The following KIAA2012 variants were observed in gnomAD, a reference collection of about 807,000 sequenced individuals.
KIAA2012 encodes the protein KIAA2012.
KIAA2012 carries 125 observed loss-of-function variants against 150.6 expected under a neutral mutation model. The observed-to-expected ratio is 0.83, with a 90% confidence interval of 0.72 to 0.96. The LOEUF (loss-of-function observed/expected upper bound fraction) is 0.96, where lower values mean the gene tolerates loss of function less well. KIAA2012 is among the 40% of genes least tolerant of loss of function. The pLI is 0.00. For synonymous variants in KIAA2012, 462 were observed against 504.7 expected, an observed-to-expected ratio of 0.92 and a Z score of 1.13; for missense variants, 1,219 against 1,354.9, an observed-to-expected ratio of 0.90 and a Z score of 1.57.
At chr2:202,202,765 TA>T (rs201956961) in intron 23 of KIAA2012, among the ~76,000 whole-genome samples, 178 bp downstream of exon 23, 1 of 151,730 alleles carries the variant, frequency 6.6e-6, no homozygotes, top group South Asian at 2.1e-4. Context: ...CTCATCTTTA[TA>T]AAAAAACATT....
chr2:202,134,766 G>A (rs1691026361), intron 12 of KIAA2012, among the ~76,000 whole-genome samples: 1 of 152,116 alleles, frequency 6.6e-6, no homozygotes, highest in Admixed American at 6.5e-5. Flanking sequence ...TGTTGGCCAG[G>A]CTAGTCTCAA....
intron 11 of KIAA2012, 82 bp from the exon 12 acceptor site, chr2:202,125,132 T>G (rs1690750022): frequency 2.6e-6 from 3 of 1,138,314 alleles, no homozygotes; most frequent in African/African-American, 3.1e-5. Flanking sequence ...TCACTTCATG[T>G]TTTCCCCTGT....
At chr2:202,111,531 A>C (rs1472243103) in intron 10 of KIAA2012, among the ~76,000 whole-genome samples, 1 of 150,106 alleles carries the variant, frequency 6.7e-6, no homozygotes, top group African/African-American at 2.4e-5. Flanking sequence ...AAAAAAAAAA[A>C]AAAAAGGATA....
chr2:202,131,347 G>T (rs540201037), intron 12 of KIAA2012, among the ~76,000 whole-genome samples: 1 of 152,064 alleles, frequency 6.6e-6, no homozygotes, highest in East Asian at 1.9e-4. Context: ...CACCATGTTG[G>T]CCAGGCTGGT....
At chr2:202,115,476 A>C (rs1690492588) in intron 11 of KIAA2012, 1 of 152,170 alleles carries the variant, frequency 6.6e-6, no homozygotes, top group Non-Finnish European at 1.5e-5. Context: ...CTTTTCTGGA[A>C]CATTTTCCTT....
intron 3 of KIAA2012, among the ~76,000 whole-genome samples, chr2:202,091,471 G>A (rs1483662208): frequency 3.9e-5 from 6 of 152,072 alleles, no homozygotes; most frequent in South Asian, 2.1e-4. Flanking sequence ...GCTCTCCAGC[G>A]CAATCCATTA....
chr2:202,187,186 A>G lies in KIAA2012; in HGVS notation c.2376+88A>G, dbSNP rs1020001775. 3.6e-6 allele frequency: 5 copies of G among 1,392,654 alleles called. No individual in the cohort carries two copies. In the African/African-American group the frequency reaches 5.8e-5, roughly 16 times the overall value. 86.3% of individuals were successfully genotyped at this position (1,392,654 alleles called of 1,614,324 possible). A position where few individuals can be genotyped will look rare whatever the true frequency, so the allele number is the denominator to read the frequency against. ...TGCACAGTTGTATAGATTGCTCACT[A>G]TATGAGGGCACCCGATAAAGGGGAT... is the stretch of plus-strand genomic sequence containing the variant. On this transcript the variant is annotated intron_variant, in intron 17 of 23. Coordinates refer to ENST00000498697, the MANE Select transcript of KIAA2012 (RefSeq NM_001277372.4).
intron 7 of KIAA2012, among the ~76,000 whole-genome samples, chr2:202,101,087 C>T (rs1246572493): frequency 1.3e-5 from 2 of 152,232 alleles, no homozygotes; most frequent in Non-Finnish European, 2.9e-5. Flanking sequence ...CACTCACACA[C>T]TCTGAGCACA....
intron 13 of KIAA2012, among the ~76,000 whole-genome samples, chr2:202,148,620 T>A (rs1437869658): frequency 1.3e-5 from 2 of 152,004 alleles, no homozygotes. Flanking sequence ...TTTGTGTGGG[T>A]GGAAGCCCGC....
intron 15 of KIAA2012, among the ~76,000 whole-genome samples, chr2:202,180,186 A>C (rs7593110): frequency 0.41 from 61,562 of 150,688 alleles, 12,657 homozygotes; most frequent in East Asian, 0.58. Context: ...CAGGAGAATC[A>C]CTTGAACCCG....
Position 202,097,580 on chromosome 2 carries a change from A to G in KIAA2012, c.828+3A>G, listed in dbSNP as rs1325731364. 2.7e-6 allele frequency: 4 copies of G among 1,507,450 alleles called. No homozygotes were observed. The allele number at this position is 1,507,450 out of a possible 1,614,324, so 93.4% of individuals were successfully genotyped here. A position where few individuals can be genotyped will look rare whatever the true frequency, so the allele number is the denominator to read the frequency against. ...AGGAAGATGAAACGCAGGCAGAGGTACCATTTCTTTTTTTTTTTTTTTTCC... is the reference window on the plus strand; with the variant it reads ...AGGAAGATGAAACGCAGGCAGAGGTGCCATTTCTTTTTTTTTTTTTTTTCC... On this transcript the variant is annotated splice_donor_region_variant and intron_variant, in intron 5 of 23. Transcript: ENST00000498697.
At chr2:202,087,748 A>G (rs1689606683) in intron 2 of KIAA2012, among the ~76,000 whole-genome samples, 1 of 152,086 alleles carries the variant, frequency 6.6e-6, no homozygotes, top group South Asian at 2.1e-4. Context: ...TTCAGAGGTC[A>G]CATCTGGGTT....
intron 10 of KIAA2012, among the ~76,000 whole-genome samples, chr2:202,112,305 G>A (rs983374215): frequency 3.3e-5 from 5 of 152,216 alleles, no homozygotes; most frequent in African/African-American, 1.2e-4. Context: ...TGCTGAGCGT[G>A]TCTAGGTGGG....
At chr2:202,198,572 T>C (rs765657058) in intron 22 of KIAA2012, among the ~76,000 whole-genome samples, 2 of 152,238 alleles carry the variant, frequency 1.3e-5, no homozygotes, top group Non-Finnish European at 2.9e-5. Context: ...TGATTATCAT[T>C]GCATCTTTCT....
intron 11 of KIAA2012, chr2:202,113,992 G>T: frequency 6.5e-6 from 1 of 153,532 alleles, no homozygotes; most frequent in Non-Finnish European, 1.4e-5. Context: ...AAGTCAGAGG[G>T]TGATGAGCAT....
chr2:202,147,001 C>T lies in KIAA2012; in HGVS notation c.1909-7672C>T, dbSNP rs757240084. 2.7e-4 allele frequency among the ~76,000 whole-genome samples: 41 copies of T among 152,104 alleles called. 1 individual carries two copies. Among genetic ancestry groups the T allele is most frequent in the Non-Finnish European group, 5.3e-4 (36 of 68,028 alleles). On this transcript the variant is annotated intron_variant, in intron 13 of 23. Transcript: ENST00000498697. ...TAGGCAGCCCCCAATACGTTATAAT[C>T]ATTACTGTTGTACTCCCCTGTCCCT...
chr2:202,081,545 T>TTA (rs1689452092), intron 2 of KIAA2012, among the ~76,000 whole-genome samples: 2 of 44,866 alleles, frequency 4.5e-5, no homozygotes, highest in African/African-American at 1.2e-4. Flanking sequence ...TTTAAACACT[T>TTA]TTTTTTTTTT....
chr2:202,101,327 T>C (rs1690038345), intron 7 of KIAA2012, among the ~76,000 whole-genome samples: 1 of 152,226 alleles, frequency 6.6e-6, no homozygotes, highest in Non-Finnish European at 1.5e-5. Context: ...TTCTCAGATT[T>C]CCTGTGTCTG....
Position 202,109,661 on chromosome 2 carries a change from C to T in KIAA2012, c.1523C>T (p.Pro508Leu), listed in dbSNP as rs1690294296. Residue 508 changes from proline to leucine, a missense_variant, in exon 10 of 24, where the codon CCC (proline) becomes CTC (leucine). Transcript: ENST00000498697. ...HDVAPPLDLL[P>L]PIKGKKSPES... The stretch of plus-strand genomic sequence containing the variant: ...GTGGCCCCACCATTGGATCTTCTAC[C>T]CCCGATTAAAGGAAAAAAAAGTCCT... 2 of 1,550,340 alleles carry T rather than the reference C, an allele frequency of 1.3e-6. No individual in the cohort carries two copies. Among genetic ancestry groups the T allele is most frequent in the Admixed American group, 2.0e-5 (1 of 50,972 alleles).
Sources: gnomAD v4.1 joint callset for allele counts (sites outside exome capture counted in the v4.1 genomes callset) on GRCh38, gnomAD v4.1.1 for gene constraint, MANE v1.5 for transcripts, NCBI Gene and HGNC (gene_info 2026-07-23, HGNC 2026-07-21) for gene names.